Variants in ATRX observed in about 807,000 individuals in gnomAD.
The protein encoded by ATRX is chromatin remodeler ATRX.
Under a neutral mutation model 172.6 loss-of-function variants are expected in ATRX, and 12 were observed. The ratio of observed to expected loss-of-function variants is 0.07; its 90% confidence interval spans 0.04 to 0.11. ATRX has a LOEUF of 0.11. Among genes scored for constraint, ATRX ranks in the 10% least tolerant of loss-of-function variants. ATRX has a pLI of 1.00. For missense variants in ATRX, 1,368 were observed against 1,767.4 expected, an observed-to-expected ratio of 0.77 and a Z score of 4.05; for synonymous variants, 674 against 594.7, an observed-to-expected ratio of 1.13 and a Z score of -1.94.
intron 1 of ATRX, among the ~76,000 whole-genome samples, chrX:77,780,006 C>T (rs1202832598): frequency 8.9e-6 from 1 of 112,037 alleles, no homozygotes; most frequent in Non-Finnish European, 1.9e-5. Context: ...TTCAGACGTA[C>T]ATCTTCAATC....
At chrX:77,631,939 T>C (rs1435291617) in intron 19 of ATRX, among the ~76,000 whole-genome samples, 1 of 112,469 alleles carries the variant, frequency 8.9e-6, no homozygotes, top group Non-Finnish European at 1.9e-5. Context: ...CTCTCTGCAC[T>C]ACCTTTTCAA....
chrX:77,570,344 ATT>A (rs1218429297), intron 28 of ATRX, among the ~76,000 whole-genome samples: 6 of 100,479 alleles, frequency 6.0e-5, no homozygotes, highest in Non-Finnish European at 6.1e-5. Flanking sequence ...ATGCCTGGGT[ATT>A]TTTTTTTTTT....
intron 2 of ATRX, among the ~76,000 whole-genome samples, chrX:77,704,103 C>T (rs1476607198): frequency 9.1e-6 from 1 of 110,343 alleles, no homozygotes; most frequent in Admixed American, 9.6e-5. Flanking sequence ...CCATCATCTC[C>T]CCATCATCTC....
chrX:77,636,133 T>C (rs2068337519), intron 15 of ATRX, 77 bp from the exon 16 acceptor site: 1 of 1,031,142 alleles, frequency 9.7e-7, no homozygotes, highest in Middle Eastern at 3.1e-4. Context: ...AAGGGAGATT[T>C]TCCAAAATAT....
chrX:77,674,988 T>TA (rs1250268700), intron 10 of ATRX: 1 of 111,753 alleles, frequency 8.9e-6, no homozygotes, highest in Non-Finnish European at 1.9e-5. Context: ...AACTGTAAAA[T>TA]AAAACTGTTC....
chrX:77,653,127 G>C (rs2069358485), intron 14 of ATRX, among the ~76,000 whole-genome samples: 1 of 111,264 alleles, frequency 9.0e-6, no homozygotes. Context: ...ACAGATACCA[G>C]AGAAAAACAG....
intron 1 of ATRX, among the ~76,000 whole-genome samples, chrX:77,754,806 T>A (rs782509759): frequency 9.0e-6 from 1 of 111,661 alleles, no homozygotes; most frequent in Non-Finnish European, 1.9e-5. Context: ...CTGACGATTA[T>A]GTGTCTTGGG....
In ATRX at chrX:77,698,556, C is replaced by T. The variant is rs782336320; in HGVS notation, c.189+18G>A. On this transcript the variant is annotated intron_variant, in intron 3 of 34. Coordinates refer to ENST00000373344, the MANE Select transcript of ATRX (RefSeq NM_000489.6). ...GGTTAATCGTAACTAACAAATATCT[C>T]TAAATAATTATCCTTACCTCTTCCT... is the stretch of plus-strand genomic sequence containing the variant. 1 of 1,193,104 alleles carries T rather than the reference C, an allele frequency of 8.4e-7. No individual in the cohort carries two copies. Among genetic ancestry groups the T allele is most frequent in the African/African-American group, 1.8e-5 (1 of 56,970 alleles).
At chrX:77,658,935 A>G (rs1201725472) in intron 12 of ATRX, among the ~76,000 whole-genome samples, 3 of 112,340 alleles carry the variant, frequency 2.7e-5, no homozygotes, top group Non-Finnish European at 3.8e-5. Flanking sequence ...AAAAAAATCT[A>G]TCATAACCTG....
At chrX:77,733,952 C>T (rs1307031725) in intron 1 of ATRX, among the ~76,000 whole-genome samples, 1 of 109,248 alleles carries the variant, frequency 9.2e-6, no homozygotes, top group Non-Finnish European at 1.9e-5. Flanking sequence ...ACCTGTAATC[C>T]CAACACTTTG....
chrX:77,736,506 C>G (rs2074575438), intron 1 of ATRX, among the ~76,000 whole-genome samples: 1 of 112,249 alleles, frequency 8.9e-6, no homozygotes, highest in Non-Finnish European at 1.9e-5. Context: ...CAAATCAAAG[C>G]TACCATGAGA....
intron 14 of ATRX, among the ~76,000 whole-genome samples, chrX:77,652,984 C>T (rs2069338880): frequency 9.9e-6 from 1 of 101,197 alleles, no homozygotes; most frequent in African/African-American, 3.6e-5. Flanking sequence ...CCACTTCCCA[C>T]TCATTAGGAT....
intron 1 of ATRX, among the ~76,000 whole-genome samples, chrX:77,745,883 T>A (rs529124395): frequency 2.7e-5 from 3 of 111,852 alleles, no homozygotes; most frequent in African/African-American, 9.7e-5. Flanking sequence ...TATTATCTCA[T>A]GTACCCCATA....
chrX:77,745,024 T>A (rs1557184120), intron 1 of ATRX, among the ~76,000 whole-genome samples: 1 of 107,379 alleles, frequency 9.3e-6, no homozygotes, highest in African/African-American at 3.4e-5. Context: ...AACAAAAACC[T>A]AGCTGGGCAT....
chrX:77,785,137 G>A (rs782234355), intron 1 of ATRX, among the ~76,000 whole-genome samples: 11 of 111,383 alleles, frequency 9.9e-5, no homozygotes, highest in Admixed American at 9.6e-4. Context: ...AGGCCTGCCA[G>A]GCATTTTCCC....
chrX:77,770,565 T>G (rs962154805), intron 1 of ATRX, among the ~76,000 whole-genome samples: 5 of 111,780 alleles, frequency 4.5e-5, no homozygotes, highest in African/African-American at 1.6e-4. Flanking sequence ...ATGCATACCC[T>G]TCATCTAATC....
rs1239403082 is a variant in ATRX, at chrX:77,558,807, T to C, written c.6366A>G (p.Leu2122=). ...LFIISTKAGS[L]GINLVAANRV... is the part of the protein sequence containing the mutation. ...GATTAGCAGCTACCAGATTAATTCC[T>C]AGAGATCCTGCTTTAGTAGAAATGA... Residue 2122 remains leucine (L), a synonymous_variant, in exon 29 of 35, where the codon CTA becomes CTG. Coordinates refer to ENST00000373344, the MANE Select transcript of ATRX (RefSeq NM_000489.6). 1.7e-6 allele frequency: 2 copies of C among 1,202,940 alleles called. No individual in the cohort carries two copies. The highest frequency in any genetic ancestry group is 1.1e-6 in the Non-Finnish European group (1 of 888,986).
intron 12 of ATRX, among the ~76,000 whole-genome samples, chrX:77,657,631 T>C (rs2069621932): frequency 9.0e-6 from 1 of 111,365 alleles, no homozygotes; most frequent in Non-Finnish European, 1.9e-5. Context: ...AATAAATAAA[T>C]AGGGGAAAAC....
At chrX:77,550,007 ATAAAG>A (rs2064415205) in intron 30 of ATRX, among the ~76,000 whole-genome samples, 2 of 112,290 alleles carry the variant, frequency 1.8e-5, no homozygotes, top group African/African-American at 6.5e-5. Context: ...AATAAAAATA[ATAAAG>A]TAATGAGTAG....
Sources: gnomAD v4.1 joint callset for allele counts (sites outside exome capture counted in the v4.1 genomes callset) on GRCh38, gnomAD v4.1.1 for gene constraint, MANE v1.5 for transcripts, NCBI Gene and HGNC (gene_info 2026-07-23, HGNC 2026-07-21) for gene names.